Variants in MYH15 observed in about 807,000 individuals in gnomAD.
MYH15 encodes myosin heavy chain 15.
In MYH15, 227 loss-of-function variants were observed where a neutral mutation model predicts 240.5. The observed-to-expected ratio is 0.94, with a 90% CI of 0.85 to 1.05. The LOEUF (loss-of-function observed/expected upper bound fraction) is 1.05, where lower values mean the gene tolerates loss of function less well. Among genes scored for constraint, MYH15 ranks in the 50% least tolerant of loss-of-function variants. The pLI is 0.00. For synonymous variants in MYH15, 785 were observed against 796.7 expected (o/e 0.99, Z 0.25); for missense variants, 2,217 against 2,247.5 (o/e 0.99, Z 0.27).
At chr3:108,463,288 G>C (rs751613859) in intron 15 of MYH15, 45 bp from the exon 16 acceptor site, 1 of 1,561,638 alleles carries the variant, frequency 6.4e-7, no homozygotes, top group South Asian at 1.2e-5. Flanking sequence ...AAAAAAAACT[G>C]CATAAGTTAA....
At chr3:108,429,942 T>C (rs1229838933) in intron 26 of MYH15, among the ~76,000 whole-genome samples, 1 of 152,176 alleles carries the variant, frequency 6.6e-6, no homozygotes, top group Admixed American at 6.6e-5. Context: ...AAATGTTTTG[T>C]CAGAAATAAT....
At chr3:108,433,041 T>C (rs1300456355) in intron 25 of MYH15, among the ~76,000 whole-genome samples, 1 of 152,148 alleles carries the variant, frequency 6.6e-6, no homozygotes, top group East Asian at 1.9e-4. Context: ...ACCACGCACC[T>C]GGAAAAGCTG....
chr3:108,434,637 C>T (rs553353742), intron 25 of MYH15, among the ~76,000 whole-genome samples: 18 of 152,216 alleles, frequency 1.2e-4, no homozygotes, highest in East Asian at 1.2e-3. Context: ...TAATATTTCA[C>T]GATTTAGACA....
chr3:108,433,610 C>A (rs1011690023), intron 25 of MYH15, among the ~76,000 whole-genome samples: 9 of 152,112 alleles, frequency 5.9e-5, no homozygotes, highest in African/African-American at 1.9e-4. Flanking sequence ...GGGGGCAAGT[C>A]TTTCCCATGC....
At chr3:108,407,172 G>GTAATA (rs2082553009) in intron 32 of MYH15, among the ~76,000 whole-genome samples, 1 of 152,186 alleles carries the variant, frequency 6.6e-6, no homozygotes, top group Admixed American at 6.5e-5. Flanking sequence ...TATACAGAGG[G>GTAATA]TAATATGGAC....
Position 108,414,421 on chromosome 3 carries a change from C to T in MYH15, c.3956G>A (p.Ser1319Asn). The change falls in exon 30 of 41, where the codon AGT becomes AAT. Residue 1319 changes from serine (S) to asparagine (N), a missense_variant. By Grantham distance (46) the Ser-to-Asn change is conservative. Coordinates refer to ENST00000693548, the MANE Select transcript of MYH15 (RefSeq NM_014981.3). ...CTTCTGCAGGGCATGGGCCAGGGCA[C>T]TCTGGGACTGTAGGGGACACACATT... is the stretch of plus-strand genomic sequence containing the variant. The part of the protein sequence containing the change: ...GQLEKETKSQ[S>N]ALAHALQKAQ... 1 of 1,613,564 alleles carries T rather than the reference C, an allele frequency of 6.2e-7. No individual in the cohort carries two copies. The highest frequency in any genetic ancestry group is 8.5e-7 in the Non-Finnish European group (1 of 1,179,772).
the MYH15 span, among the ~76,000 whole-genome samples, chr3:108,548,358 C>T: frequency 1.3e-5 from 2 of 151,914 alleles, no homozygotes; most frequent in Non-Finnish European, 2.9e-5. Flanking sequence ...ATAAAATAGA[C>T]CTCAAGATAA....
At chr3:108,398,453 T>C (rs1429422974) in intron 35 of MYH15, among the ~76,000 whole-genome samples, 184 bp downstream of exon 35, 1 of 152,188 alleles carries the variant, frequency 6.6e-6, no homozygotes, top group East Asian at 1.9e-4. Flanking sequence ...TGTGGTACTT[T>C]GTTATGGCGG....
intron 21 of MYH15, among the ~76,000 whole-genome samples, chr3:108,445,406 A>G (rs2107571955): frequency 6.6e-6 from 1 of 152,346 alleles, no homozygotes; most frequent in Middle Eastern, 3.4e-3. Flanking sequence ...GTGTGAGTGA[A>G]GACAAATCCT....
intron 40 of MYH15, 41 bp from the exon 41 acceptor site, chr3:108,381,600 G>A: frequency 6.2e-7 from 1 of 1,610,056 alleles, no homozygotes; most frequent in South Asian, 1.1e-5. Flanking sequence ...AATTTCCTGT[G>A]ATTTTCACCA....
rs561170342 is a variant in MYH15 at position 108,445,018 on chromosome 3, A to C, written c.2400-123T>G. 23 of 1,113,952 alleles carry C rather than the reference A, an allele frequency of 2.1e-5. 1 individual carries two copies. Among genetic ancestry groups the C allele is most frequent in the Non-Finnish European group, 2.9e-5 (23 of 806,418 alleles). The allele number at this position is 1,113,952 out of a possible 1,614,324, so 69.0% of individuals were successfully genotyped here. A position where few individuals can be genotyped will look rare whatever the true frequency, so the allele number is the denominator to read the frequency against. ...CATAAAAAATTCTTATTAGTCTTCA[A>C]AGCACTTTTATATCTGGACTTTCAC... is the stretch of plus-strand genomic sequence containing the variant. On this transcript the variant is annotated intron_variant, in intron 21 of 40. Coordinates refer to ENST00000693548, the MANE Select transcript of MYH15 (RefSeq NM_014981.3).
intron 22 of MYH15, 148 bp from the exon 23 acceptor site, chr3:108,441,408 T>C: frequency 2.3e-6 from 2 of 887,942 alleles, no homozygotes; most frequent in South Asian, 1.7e-5. Context: ...GCAATAATAT[T>C]CCCAGGTCCC....
In MYH15 at chr3:108,460,650, A is replaced by G. The variant is rs534071595; in HGVS notation, c.1865-283T>C. Reference sequence around the variant, plus strand: ...AAATAAAATTCATCAACAAATGCACATCATAGGAGATTAATTTATGAGAGA... The same window carrying G: ...AAATAAAATTCATCAACAAATGCACGTCATAGGAGATTAATTTATGAGAGA... On this transcript the variant is annotated intron_variant, in intron 16 of 40. Coordinates refer to ENST00000693548, the MANE Select transcript of MYH15 (RefSeq NM_014981.3). Among the ~76,000 whole-genome samples the G allele has an allele frequency of 1.8e-4, 28 of 152,338 alleles. 1 individual carries two copies. Among genetic ancestry groups the G allele is most frequent in the African/African-American group, 6.7e-4 (28 of 41,596 alleles).
chr3:108,402,466 A>G (rs984614233), intron 33 of MYH15, among the ~76,000 whole-genome samples: 4 of 152,216 alleles, frequency 2.6e-5, no homozygotes, highest in Non-Finnish European at 5.9e-5. Context: ...TTTATTTCCT[A>G]TTGTCTATGG....
chr3:108,500,895 A>C (rs563263856), intron 3 of MYH15, among the ~76,000 whole-genome samples: 2 of 152,312 alleles, frequency 1.3e-5, no homozygotes, highest in South Asian at 4.1e-4. Context: ...GCAGGCAGAG[A>C]CTGGAGTGAT....
chr3:108,525,486 ATTGT>A (rs2083659790), intron 1 of MYH15, among the ~76,000 whole-genome samples: 1 of 152,102 alleles, frequency 6.6e-6, no homozygotes, highest in Non-Finnish European at 1.5e-5. Context: ...AGTTTCATTA[ATTGT>A]TTATCTCACA....
At chr3:108,504,529 T>C (rs1243221716) in intron 2 of MYH15, among the ~76,000 whole-genome samples, 1 of 152,160 alleles carries the variant, frequency 6.6e-6, no homozygotes, top group Non-Finnish European at 1.5e-5. Flanking sequence ...AAGATAGCAT[T>C]AAAAAGACAA....
intron 24 of MYH15, 82 bp downstream of exon 24, chr3:108,439,655 C>A (rs2107567673): frequency 8.3e-7 from 1 of 1,211,294 alleles, no homozygotes; most frequent in South Asian, 2.4e-5. Flanking sequence ...CTGAAACTGT[C>A]AAGATAAATT....
At chr3:108,539,296 G>T in the MYH15 span, among the ~76,000 whole-genome samples, 1 of 152,060 alleles carries the variant, frequency 6.6e-6, no homozygotes, top group Non-Finnish European at 1.5e-5. Context: ...AAACAATACC[G>T]CCGTGTTAAC....
Sources: gnomAD v4.1 joint callset for allele counts (sites outside exome capture counted in the v4.1 genomes callset) on GRCh38, gnomAD v4.1.1 for gene constraint, MANE v1.5 for transcripts, NCBI Gene and HGNC (gene_info 2026-07-23, HGNC 2026-07-21) for gene names.